The following GPAT3 variants were observed in gnomAD, a reference collection of about 807,000 sequenced individuals.
GPAT3 encodes glycerol-3-phosphate acyltransferase 3.
In GPAT3, 53 loss-of-function variants were observed where a neutral mutation model predicts 58.8. The observed-to-expected ratio is 0.90, with a 90% CI of 0.72 to 1.13. GPAT3 has a LOEUF of 1.13. GPAT3 is among the 50% of genes most tolerant of loss of function. The pLI is 0.00. For missense variants in GPAT3, 511 were observed against 527.6 expected, an observed-to-expected ratio of 0.97 and a Z score of 0.31; for synonymous variants, 197 against 187.4, an observed-to-expected ratio of 1.05 and a Z score of -0.42.
upstream of GPAT3, chr4:83,535,902 T>A (rs533991495): frequency 6.4e-4 from 626 of 985,542 alleles, 3 homozygotes; most frequent in Admixed American, 7.1e-3. Flanking sequence ...GAAGAAAATA[T>A]TGACATTTTT....
At position 83,536,117 on chromosome 4, in the gene GPAT3, C is replaced by T. The variant is rs1724069263; in HGVS notation, c.-506C>T. ...GCGCCCGAGCGCAGCCAGCTTCCAG[C>T]ACAGCCCGCGGCCCGGTGCCAGCTC... On this transcript the variant is annotated 5_prime_UTR_variant, in exon 1 of 12. Coordinates refer to ENST00000264409, the MANE Select transcript of GPAT3 (RefSeq NM_032717.5). 1.0e-6 allele frequency: 1 copy of T among 985,826 alleles called. No homozygotes were observed. The highest frequency in any genetic ancestry group is 1.2e-6 in the Non-Finnish European group (1 of 830,166). The allele number at this position is 985,826 out of a possible 1,614,324, so 61.1% of individuals were successfully genotyped here.
intron 2 of GPAT3, among the ~76,000 whole-genome samples, chr4:83,579,034 CTTT>C (rs1432224570): frequency 0.076 from 1,903 of 24,894 alleles, 290 homozygotes; most frequent in Middle Eastern, 0.13. Flanking sequence ...TTCTTTCTTT[CTTT>C]CTTTCTTTCT....
chr4:83,552,002 A>T (rs1387025866), intron 2 of GPAT3, among the ~76,000 whole-genome samples: 1 of 152,148 alleles, frequency 6.6e-6, no homozygotes, highest in African/African-American at 2.4e-5. Flanking sequence ...AGAACTAGTT[A>T]TATATGAATG....
intron 2 of GPAT3, among the ~76,000 whole-genome samples, chr4:83,545,277 C>T (rs1265151069): frequency 6.6e-6 from 1 of 151,982 alleles, no homozygotes; most frequent in Admixed American, 6.6e-5. Flanking sequence ...CCTGTCTCTA[C>T]AAAAAATACA....
intron 10 of GPAT3, chr4:83,598,427 G>A: frequency 1.4e-6 from 1 of 692,146 alleles, no homozygotes; most frequent in Non-Finnish European, 2.4e-6. Context: ...GACTAATAAA[G>A]AGCGTAATAA....
At chr4:83,596,713 A>G in intron 7 of GPAT3, 145 bp from the exon 8 acceptor site, 1 of 652,332 alleles carries the variant, frequency 1.5e-6, no homozygotes, top group Non-Finnish European at 2.7e-6. Flanking sequence ...AAAGGAAACA[A>G]CTCAAATTTA....
intron 1 of GPAT3, among the ~76,000 whole-genome samples, chr4:83,538,130 G>A (rs1724170964): frequency 6.6e-6 from 1 of 152,258 alleles, no homozygotes; most frequent in East Asian, 1.9e-4. Context: ...CCCTTAGGAC[G>A]TGGCTTTATC....
chr4:83,569,215 A>G (rs1055552217), intron 2 of GPAT3, among the ~76,000 whole-genome samples: 2 of 152,222 alleles, frequency 1.3e-5, no homozygotes, highest in Non-Finnish European at 2.9e-5. Context: ...TTTAATAAGG[A>G]ATACAAAGTG....
intron 11 of GPAT3, among the ~76,000 whole-genome samples, chr4:83,603,999 G>T (rs1727163533): frequency 6.6e-6 from 1 of 152,002 alleles, no homozygotes; most frequent in East Asian, 1.9e-4. Context: ...CCAGTATTTT[G>T]TTTTCCTTAA....
At chr4:83,593,681 T>C (rs1236320343) in intron 6 of GPAT3, among the ~76,000 whole-genome samples, 4 of 152,084 alleles carry the variant, frequency 2.6e-5, no homozygotes, top group African/African-American at 9.7e-5. Context: ...AAAAAAAAGG[T>C]AGTAAAAAGA....
At chr4:83,542,070 C>T (rs1346781737) in intron 1 of GPAT3, among the ~76,000 whole-genome samples, 1 of 152,070 alleles carries the variant, frequency 6.6e-6, no homozygotes, top group Non-Finnish European at 1.5e-5. Context: ...ATATGAATTT[C>T]GGAGGGACAT....
At chr4:83,549,200 TA>T (rs1488681678) in intron 2 of GPAT3, among the ~76,000 whole-genome samples, 2 of 151,900 alleles carry the variant, frequency 1.3e-5, no homozygotes, top group African/African-American at 4.8e-5. Flanking sequence ...GGAATATTTT[TA>T]TATACTTATT....
rs748885565 is a variant in GPAT3 at position 83,594,903 on chromosome 4, G to T, written c.797G>T (p.Cys266Phe). 3.1e-6 allele frequency: 5 copies of T among 1,613,882 alleles called. No individual in the cohort carries two copies. The highest frequency in any genetic ancestry group is 4.2e-6 in the Non-Finnish European group (5 of 1,179,902). Residue 266 changes from cysteine (C) to phenylalanine (F), a missense_variant, in exon 7 of 12, where the codon TGT becomes TTT. Transcript: ENST00000264409. ...ATTCAGAGAGCTATGGTCAAGGCTT[G>T]TCCTCATGTCTGGTTTGAACGCTCA... ...GIIQRAMVKA[C>F]PHVWFERSEM...
At position 83,604,840 on chromosome 4, in the gene GPAT3, T is replaced by G; in HGVS notation, c.*73T>G. On this transcript the variant is annotated 3_prime_UTR_variant, in exon 12 of 12. Coordinates refer to ENST00000264409, the MANE Select transcript of GPAT3 (RefSeq NM_032717.5). ...AATGGCTTTTTTTGTTTTGTTTTGT[T>G]TTATTGTTTTGTTTTTATTATTGTT... 8.2e-7 allele frequency: 1 copy of G among 1,217,496 alleles called. No individual in the cohort carries two copies. Among genetic ancestry groups the G allele is most frequent in the Non-Finnish European group, 1.2e-6 (1 of 856,126 alleles). 75.4% of individuals were successfully genotyped at this position (1,217,496 alleles called of 1,614,324 possible). A position where few individuals can be genotyped will look rare whatever the true frequency, so the allele number is the denominator to read the frequency against.
intron 6 of GPAT3, among the ~76,000 whole-genome samples, chr4:83,590,660 T>A (rs1372296573): frequency 6.6e-6 from 1 of 152,218 alleles, no homozygotes; most frequent in Non-Finnish European, 1.5e-5. Flanking sequence ...AGCCAATTAC[T>A]TCTTTCTTCC....
rs1025903152 is a variant in GPAT3 at position 83,580,161 on chromosome 4, T to G, written c.209-1401T>G. 2.0e-5 allele frequency among the ~76,000 whole-genome samples: 3 copies of G among 152,334 alleles called. No homozygotes were observed. In the East Asian group the frequency reaches 5.8e-4, roughly 29 times the overall value. ...TTTAATAGTTAGAATTGAATGACAG[T>G]AGTCATTTTTCAATTCATAAAAATT... On this transcript the variant is annotated intron_variant, in intron 2 of 11. Transcript: ENST00000264409.
intron 9 of GPAT3, 76 bp from the exon 10 acceptor site, chr4:83,597,974 TA>T (rs1048738736): frequency 5.2e-6 from 8 of 1,547,820 alleles, no homozygotes; most frequent in Admixed American, 3.7e-5. Flanking sequence ...CTGTTTGGCC[TA>T]CCACCTTTAA....
At chr4:83,540,465 A>C (rs1010008813) in intron 1 of GPAT3, among the ~76,000 whole-genome samples, 1 of 152,120 alleles carries the variant, frequency 6.6e-6, no homozygotes, top group Admixed American at 6.6e-5. Context: ...ATTTGGGTGG[A>C]TCTGATTGGC....
intron 3 of GPAT3, among the ~76,000 whole-genome samples, chr4:83,585,798 G>A (rs971126325): frequency 6.6e-6 from 1 of 152,108 alleles, no homozygotes; most frequent in Non-Finnish European, 1.5e-5. Flanking sequence ...TGTTGGCCAG[G>A]CTGGTCTCGA....
Sources: allele counts gnomAD v4.1 joint callset (sites outside exome capture counted in the v4.1 genomes callset), GRCh38; gene constraint gnomAD v4.1.1; transcripts MANE v1.5; gene names NCBI Gene and HGNC (gene_info 2026-07-23, HGNC 2026-07-21).